GLIS3: variants seen among roughly 807,000 people sequenced by gnomAD.
The protein encoded by GLIS3 is GLIS family zinc finger 3.
In GLIS3, 53 loss-of-function variants were observed where a neutral mutation model predicts 78.6. The observed-to-expected ratio is 0.67, with a 90% confidence interval of 0.54 to 0.85. GLIS3 has a LOEUF of 0.85. GLIS3 is among the 40% of genes least tolerant of loss of function. GLIS3 has a pLI of 0.00. For synonymous variants in GLIS3, 684 were observed against 509.9 expected (o/e 1.34, Z -4.60); for missense variants, 1,703 against 1,231.1 (o/e 1.38, Z -5.74).
At chr9:4,271,404 G>A (rs1165873103) in intron 2 of GLIS3, among the ~76,000 whole-genome samples, 1 of 152,132 alleles carries the variant, frequency 6.6e-6, no homozygotes, top group South Asian at 2.1e-4. Flanking sequence ...CCTCCATATT[G>A]TTCAAAGGTC....
At chr9:4,186,478 TAGC>T (rs1449224346) in intron 2 of GLIS3, among the ~76,000 whole-genome samples, 3 of 151,952 alleles carry the variant, frequency 2.0e-5, no homozygotes, top group African/African-American at 7.3e-5. Context: ...TGTGTCTTTA[TAGC>T]AGCATGATTT....
rs1563755246 is a variant in GLIS3, at chr9:3,829,793, CCTG to C, written c.2474-304_2474-302del. 3.3e-5 allele frequency among the ~76,000 whole-genome samples: 5 copies of C among 152,040 alleles called. No homozygotes were observed. The East Asian group carries it at 9.6e-4, about 29-fold the overall frequency. On this transcript the variant is annotated intron_variant, in intron 9 of 10. Transcript: ENST00000381971. ...TCTGAAGAGTCCTGGACATTCAAGG[CCTG>C]ACCTTCAGGGGAGGTTCCTACCCTA...
chr9:3,888,599 A>G (rs1372876499), intron 7 of GLIS3, among the ~76,000 whole-genome samples: 1 of 152,218 alleles, frequency 6.6e-6, no homozygotes, highest in African/African-American at 2.4e-5. Flanking sequence ...AGGAGCTCAC[A>G]GCTTCTTCGA....
In GLIS3 at chr9:4,261,317, A is replaced by T. The variant is rs1385482526; in HGVS notation, c.388+24721T>A. 5.9e-5 allele frequency among the ~76,000 whole-genome samples: 9 copies of T among 152,148 alleles called. No homozygotes were observed. The East Asian group carries it at 1.7e-3, about 29-fold the overall frequency. On this transcript the variant is annotated intron_variant, in intron 2 of 10. Transcript: ENST00000381971. ...ACATGAGAGTGAGACGTGGGACTTG[A>T]TACTCTGCCATAATGGAAGCAAAGA...
intron 4 of GLIS3, among the ~76,000 whole-genome samples, chr9:4,090,873 A>G (rs1829439086): frequency 6.6e-6 from 1 of 152,228 alleles, no homozygotes; most frequent in Non-Finnish European, 1.5e-5. Context: ...CTGCAAGAGA[A>G]GTTTCATGCA....
intron 2 of GLIS3, among the ~76,000 whole-genome samples, chr9:4,153,072 G>A (rs1429148995): frequency 2.6e-5 from 4 of 152,154 alleles, no homozygotes. Flanking sequence ...CCCACTAGAT[G>A]CCAGTAGCAC....
intron 2 of GLIS3, among the ~76,000 whole-genome samples, chr9:4,338,381 C>G (rs1016967324): frequency 3.2e-5 from 4 of 123,484 alleles, no homozygotes; most frequent in Admixed American, 8.5e-5. Context: ...CACACACACA[C>G]ACACACATAC....
At chr9:4,188,585 T>A (rs2131206217) in intron 2 of GLIS3, among the ~76,000 whole-genome samples, 1 of 152,298 alleles carries the variant, frequency 6.6e-6, no homozygotes, top group Admixed American at 6.5e-5. Context: ...CACTTCCTCC[T>A]TGTACCTCTG....
At chr9:4,144,467 G>A (rs548098752) in intron 2 of GLIS3, among the ~76,000 whole-genome samples, 8 of 152,200 alleles carry the variant, frequency 5.3e-5, no homozygotes, top group African/African-American at 1.9e-4. Context: ...TTGTTTAGTC[G>A]GTCAAATGAA....
the GLIS3 span, among the ~76,000 whole-genome samples, chr9:4,450,525 C>T: frequency 6.6e-5 from 10 of 152,230 alleles, no homozygotes; most frequent in South Asian, 2.1e-4. Flanking sequence ...TCGAGAAGAA[C>T]AACCCCAAGA....
At chr9:4,464,953 A>G in the GLIS3 span, among the ~76,000 whole-genome samples, 1 of 152,256 alleles carries the variant, frequency 6.6e-6, no homozygotes, top group African/African-American at 2.4e-5. Flanking sequence ...GGTAGCTAGT[A>G]TAGTGTATTC....
chr9:4,458,675 C>G, the GLIS3 span, among the ~76,000 whole-genome samples: 1 of 152,066 alleles, frequency 6.6e-6, no homozygotes, highest in Non-Finnish European at 1.5e-5. Context: ...GTAGTCCCAG[C>G]TACTCGGGAC....
At chr9:3,942,030 T>C (rs1286909751) in intron 4 of GLIS3, among the ~76,000 whole-genome samples, 1 of 152,168 alleles carries the variant, frequency 6.6e-6, no homozygotes, top group Non-Finnish European at 1.5e-5. Context: ...ACCATTAAAA[T>C]AGGATTTATT....
the GLIS3 span, among the ~76,000 whole-genome samples, chr9:4,374,723 A>G: frequency 6.6e-6 from 1 of 151,896 alleles, no homozygotes; most frequent in Non-Finnish European, 1.5e-5. Flanking sequence ...GATCACATAC[A>G]TAAAGCAGGC....
At chr9:4,461,186 G>C in the GLIS3 span, among the ~76,000 whole-genome samples, 1 of 152,142 alleles carries the variant, frequency 6.6e-6, no homozygotes, top group Non-Finnish European at 1.5e-5. Flanking sequence ...TGAAACCTCA[G>C]GCACAAATTA....
At chr9:3,888,049 A>G (rs1254888447) in intron 7 of GLIS3, among the ~76,000 whole-genome samples, 3 of 152,160 alleles carry the variant, frequency 2.0e-5, no homozygotes, top group African/African-American at 4.8e-5. Context: ...CAAACTATTC[A>G]GACTACCCTG....
the GLIS3 span, among the ~76,000 whole-genome samples, chr9:4,383,928 G>C: frequency 6.6e-6 from 1 of 152,172 alleles, no homozygotes; most frequent in Admixed American, 6.5e-5. Context: ...GTCCTAGAGA[G>C]AGCACGAACC....
intron 2 of GLIS3, among the ~76,000 whole-genome samples, chr9:4,311,639 C>T (rs1266509655): frequency 1.3e-5 from 2 of 152,210 alleles, no homozygotes; most frequent in East Asian, 3.9e-4. Flanking sequence ...CTGTCTTCCC[C>T]AACAGCAACA....
chr9:4,164,214 T>G (rs1481083422), intron 2 of GLIS3, among the ~76,000 whole-genome samples: 4 of 152,214 alleles, frequency 2.6e-5, no homozygotes, highest in African/African-American at 7.2e-5. Context: ...TCCTTGCTCT[T>G]TTCTCTCTCA....
Sources: gnomAD v4.1 joint callset for allele counts (sites outside exome capture counted in the v4.1 genomes callset) on GRCh38, gnomAD v4.1.1 for gene constraint, MANE v1.5 for transcripts, NCBI Gene and HGNC (gene_info 2026-07-23, HGNC 2026-07-21) for gene names.